The following EDC4 variants were observed in gnomAD, a reference collection of about 807,000 sequenced individuals.
EDC4 encodes enhancer of mRNA decapping 4.
Under a neutral mutation model 155.8 loss-of-function variants are expected in EDC4, and 64 were observed. The observed-to-expected ratio is 0.41, with a 90% CI of 0.34 to 0.51. The LOEUF (loss-of-function observed/expected upper bound fraction) is 0.51. Among genes scored for constraint, EDC4 ranks in the 20% least tolerant of loss-of-function variants. The pLI, the probability that EDC4 is intolerant of heterozygous loss-of-function variation, is 0.19. For synonymous variants in EDC4, 684 were observed against 716.8 expected (o/e 0.95, Z 0.73); for missense variants, 1,303 against 1,812.5 (o/e 0.72, Z 5.10).
rs2058062206 is a variant in EDC4 at position 67,880,484 on chromosome 16, A to C, written c.2098-73A>C. ...CTGTCTCTCATTACTGCTAATACTA[A>C]TGCCTCGTCTCTGTGCCCCCCATCT... is the stretch of plus-strand genomic sequence containing the variant. On this transcript the variant is annotated intron_variant, in intron 17 of 28. Transcript: ENST00000358933. The surrounding 1 kb of genome is among the most constrained non-coding windows in gnomAD (Gnocchi z 5.2). 26 of 1,553,142 alleles carry C rather than the reference A, an allele frequency of 1.7e-5. No homozygotes were observed. Among genetic ancestry groups the C allele is most frequent in the Non-Finnish European group, 2.3e-5 (26 of 1,141,718 alleles).
At position 67,879,712 on chromosome 16, in the gene EDC4, G is replaced by A; in HGVS notation, c.1759G>A (p.Glu587Lys). The A allele has an allele frequency of 6.2e-7, 1 of 1,614,166 alleles. No homozygotes were observed. Among genetic ancestry groups the A allele is most frequent in the Non-Finnish European group, 8.5e-7 (1 of 1,180,028 alleles). ...APADFLSLSS[E>K]TKPKLMTPDA... ...TGCCGACTTCCTCAGTCTGAGCAGT[G>A]AGACCAAGCCCAAGTTGATGACACC... is the stretch of plus-strand genomic sequence containing the variant. Residue 587 changes from glutamate to lysine, a missense_variant, in exon 15 of 29, where the codon GAG becomes AAG. By Grantham distance (56) the Glu-to-Lys change is moderately conservative. This residue lies in a region of EDC4 where 391 missense variants were observed against 445.4 expected (regional missense o/e 0.88). Coordinates refer to ENST00000358933, the MANE Select transcript of EDC4 (RefSeq NM_014329.5). This position sits in a 1 kb window ranked among gnomAD's most constrained non-coding sequence, Gnocchi z 6.0.
rs1598176154 is a variant in EDC4 at position 67,878,183 on chromosome 16, C to T, written c.912C>T (p.Ala304=). The part of the protein sequence containing the change: ...KGHSTCLSEG[A]LSPDGTVLAT... ...CTTTCTAGTGCCTCAGTGAAGGAGCCCTCTCTCCTGATGGGACTGTGCTGG... is the reference window on the plus strand; with the variant it reads ...CTTTCTAGTGCCTCAGTGAAGGAGCTCTCTCTCCTGATGGGACTGTGCTGG... Residue 304 remains alanine (A), a synonymous_variant, in exon 8 of 29, where the codon GCC becomes GCT. Transcript: ENST00000358933. This position sits in a 1 kb window ranked among gnomAD's most constrained non-coding sequence, Gnocchi z 5.2. 8 of 1,614,162 alleles carry T rather than the reference C, an allele frequency of 5.0e-6. No individual in the cohort carries two copies. Among genetic ancestry groups the T allele is most frequent in the Non-Finnish European group, 6.8e-6 (8 of 1,180,036 alleles).
At position 67,876,171 on chromosome 16, in the gene EDC4, TG is replaced by T; in HGVS notation, c.239+74del. The T allele has an allele frequency of 6.6e-7, 1 of 1,522,102 alleles. No individual in the cohort carries two copies. The highest frequency in any genetic ancestry group is 9.0e-7 in the Non-Finnish European group (1 of 1,105,644). The allele number at this position is 1,522,102 out of a possible 1,614,324, so 94.3% of individuals were successfully genotyped here. On this transcript the variant is annotated intron_variant, in intron 2 of 28. Transcript: ENST00000358933. The surrounding 1 kb of genome is among the most constrained non-coding windows in gnomAD (Gnocchi z 5.8). ...GTGTCTGCTAGCTGAAGGCATGAGA[TG>T]GGGAGTGAGCGGGGCCAGCAGCCTC... is the stretch of plus-strand genomic sequence containing the variant.
In EDC4 at chr16:67,883,677, C is replaced by T; in HGVS notation, c.3959C>T (p.Ser1320Phe). Residue 1320 changes from serine (S) to phenylalanine (F), a missense_variant, in exon 28 of 29, where the codon TCC becomes TTC. This residue lies in a region of EDC4 where 527 missense variants were observed against 757.0 expected (regional missense o/e 0.70). Coordinates refer to ENST00000358933, the MANE Select transcript of EDC4 (RefSeq NM_014329.5). The surrounding 1 kb of genome is among the most constrained non-coding windows in gnomAD (Gnocchi z 5.3). ...CCGCTCTCCCAGCCTGTGCTCCTTT[C>T]CCTCATCCAGCAGCTGGCATCTGAC... ...PCPLSQPVLL[S>F]LIQQLASDLG... 1.2e-6 allele frequency: 2 copies of T among 1,614,188 alleles called. No homozygotes were observed. Among genetic ancestry groups the T allele is most frequent in the Non-Finnish European group, 1.7e-6 (2 of 1,180,038 alleles).
Position 67,882,737 on chromosome 16 carries a change from G to C in EDC4, c.3501G>C (p.Arg1167Ser). The C allele has an allele frequency of 1.2e-6, 2 of 1,614,266 alleles. No individual in the cohort carries two copies. The highest frequency in any genetic ancestry group is 2.2e-5 in the South Asian group (2 of 91,090). ...GGAAGGCACGGGAACAGGAGGCCAG[G>C]GAGCCTGTGCTAGCCCAGCTGCGGG... ...KSRKAREQEAREPVLAQLRGL... is the reference protein window; with the variant it reads ...KSRKAREQEASEPVLAQLRGL... The change falls in exon 26 of 29, where the codon AGG becomes AGC. Residue 1167 changes from arginine (R) to serine (S), a missense_variant. Physicochemically the swap from Arg to Ser is moderately radical, Grantham distance 110. This residue lies in a region of EDC4 where 527 missense variants were observed against 757.0 expected (regional missense o/e 0.70). Coordinates refer to ENST00000358933, the MANE Select transcript of EDC4 (RefSeq NM_014329.5). This position sits in a 1 kb window ranked among gnomAD's most constrained non-coding sequence, Gnocchi z 7.2.
In EDC4 at chr16:67,884,387, G is replaced by C. The variant is rs2058084253; in HGVS notation, c.*239G>C. ...TCTGCCATGCCTGGAGCATGACCCT[G>C]AGATCGTGACACCACTTGAGTGGAA... On this transcript the variant is annotated 3_prime_UTR_variant, in exon 29 of 29. Transcript: ENST00000358933. The surrounding 1 kb of genome is among the most constrained non-coding windows in gnomAD (Gnocchi z 4.1). 9 of 555,654 alleles carry C rather than the reference G, an allele frequency of 1.6e-5. No individual in the cohort carries two copies. Among genetic ancestry groups the C allele is most frequent in the Non-Finnish European group, 2.8e-5 (9 of 316,772 alleles). 34.4% of individuals were successfully genotyped at this position (555,654 alleles called of 1,614,324 possible). A position where few individuals can be genotyped will look rare whatever the true frequency, so the allele number is the denominator to read the frequency against.
Position 67,882,119 on chromosome 16 carries a change from G to T in EDC4, c.3160+10G>T. 1 of 1,613,728 alleles carries T rather than the reference G, an allele frequency of 6.2e-7. No individual in the cohort carries two copies. The highest frequency in any genetic ancestry group is 8.5e-7 in the Non-Finnish European group (1 of 1,179,986). The stretch of plus-strand genomic sequence containing the variant: ...AAGACAGTCCCTCCATGTGAGTTTT[G>T]CATGCAGACTCCCTTTGGGTGGTTC... On this transcript the variant is annotated intron_variant, in intron 23 of 28. Coordinates refer to ENST00000358933, the MANE Select transcript of EDC4 (RefSeq NM_014329.5). This position sits in a 1 kb window ranked among gnomAD's most constrained non-coding sequence, Gnocchi z 7.2.
In EDC4 at chr16:67,882,917, A is replaced by G. The variant is rs1214498786; in HGVS notation, c.3630-41A>G. On this transcript the variant is annotated intron_variant, in intron 26 of 28. Transcript: ENST00000358933. The surrounding 1 kb of genome is among the most constrained non-coding windows in gnomAD (Gnocchi z 7.2). ...TGGTGGGCTTGAGAAAGGCCAGACT[A>G]GGCTCCCTGTCCACTTCACCTCACT... is the stretch of plus-strand genomic sequence containing the variant. The G allele has an allele frequency of 6.2e-7, 1 of 1,614,002 alleles. No individual in the cohort carries two copies. Among genetic ancestry groups the G allele is most frequent in the Non-Finnish European group, 8.5e-7 (1 of 1,179,892 alleles).
chr16:67,880,039 G>A lies in EDC4; in HGVS notation c.1944-24G>A. Reference sequence around the variant, plus strand: ...CAGATGATGCCAAGCTCTGGCTGCTGACACCTCAGCCTTCCCCCACCAGGC... The same window carrying A: ...CAGATGATGCCAAGCTCTGGCTGCTAACACCTCAGCCTTCCCCCACCAGGC... On this transcript the variant is annotated intron_variant, in intron 16 of 28. Transcript: ENST00000358933. The surrounding 1 kb of genome is among the most constrained non-coding windows in gnomAD (Gnocchi z 5.2). The A allele has an allele frequency of 6.3e-7, 1 of 1,589,596 alleles. No individual in the cohort carries two copies. Among genetic ancestry groups the A allele is most frequent in the Non-Finnish European group, 8.6e-7 (1 of 1,164,178 alleles).
rs140860932 is a variant in EDC4 at position 67,884,058 on chromosome 16, C to T, written c.4116C>T (p.Phe1372=). The T allele has an allele frequency of 7.4e-6, 12 of 1,614,038 alleles. No homozygotes were observed. The highest frequency in any genetic ancestry group is 1.0e-5 in the Non-Finnish European group (12 of 1,180,032). Residue 1372 remains phenylalanine, a synonymous_variant, in exon 29 of 29, where the codon TTC becomes TTT. Coordinates refer to ENST00000358933, the MANE Select transcript of EDC4 (RefSeq NM_014329.5). The surrounding 1 kb of genome is among the most constrained non-coding windows in gnomAD (Gnocchi z 4.1). ...AGGTGCGCCAAAAGCTTTTTCAGTT[C>T]CTGCAGGCTGAGCCACACAACTCAC... The part of the protein sequence containing the change: ...MAQVRQKLFQ[F]LQAEPHNSLG...
rs532740141 is a variant in EDC4 at position 67,882,909 on chromosome 16, G to T, written c.3629+44G>T. 2.5e-6 allele frequency: 4 copies of T among 1,614,046 alleles called. No individual in the cohort carries two copies. The highest frequency in any genetic ancestry group is 3.3e-5 in the Admixed American group (2 of 60,018). On this transcript the variant is annotated intron_variant, in intron 26 of 28. Coordinates refer to ENST00000358933, the MANE Select transcript of EDC4 (RefSeq NM_014329.5). The surrounding 1 kb of genome is among the most constrained non-coding windows in gnomAD (Gnocchi z 7.2). ...GGGCAAGGTGGTGGGCTTGAGAAAG[G>T]CCAGACTAGGCTCCCTGTCCACTTC...
rs1308004406 is a variant in EDC4, at chr16:67,877,915, C to G, written c.894+70C>G. On this transcript the variant is annotated intron_variant, in intron 7 of 28. Coordinates refer to ENST00000358933, the MANE Select transcript of EDC4 (RefSeq NM_014329.5). The surrounding 1 kb of genome is among the most constrained non-coding windows in gnomAD (Gnocchi z 4.9). ...ATATCCATCTTCTGTTCCCTATATC[C>G]ACAGCTGCCCGGGCAGCTTTACTAG... 5.0e-6 allele frequency: 8 copies of G among 1,587,328 alleles called. No individual in the cohort carries two copies. The highest frequency in any genetic ancestry group is 5.1e-6 in the Non-Finnish European group (6 of 1,165,430).
In EDC4 at chr16:67,883,062, C is replaced by T; in HGVS notation, c.3734C>T (p.Ala1245Val). ...GCCGTCACCTCCAGCATCATGCAGG[C>T]CATGCGCTCAGCTGCTGGCACACCT... ...QAAVTSSIMQ[A>V]MRSAAGTPVP... The change falls in exon 27 of 29, where the codon GCC becomes GTC. Residue 1245 changes from alanine to valine, a missense_variant. Coordinates refer to ENST00000358933, the MANE Select transcript of EDC4 (RefSeq NM_014329.5). The surrounding 1 kb of genome is among the most constrained non-coding windows in gnomAD (Gnocchi z 5.3). 6.2e-7 allele frequency: 1 copy of T among 1,613,512 alleles called. No homozygotes were observed.
In EDC4 at chr16:67,883,313, C is replaced by T. The variant is rs1408766683; in HGVS notation, c.3849+136C>T. The T allele has an allele frequency of 2.2e-6, 3 of 1,390,624 alleles. No individual in the cohort carries two copies. The highest frequency in any genetic ancestry group is 2.9e-6 in the Non-Finnish European group (3 of 1,046,772). The allele number at this position is 1,390,624 out of a possible 1,614,324, so 86.1% of individuals were successfully genotyped here. Reference sequence around the variant, plus strand: ...TTCTTGGTTCCCTTTGGCCTCCAGGCCATTGTCCCTGCTGCTTCCTCTTCC... The same window carrying T: ...TTCTTGGTTCCCTTTGGCCTCCAGGTCATTGTCCCTGCTGCTTCCTCTTCC... On this transcript the variant is annotated intron_variant, in intron 27 of 28. Coordinates refer to ENST00000358933, the MANE Select transcript of EDC4 (RefSeq NM_014329.5). The surrounding 1 kb of genome is among the most constrained non-coding windows in gnomAD (Gnocchi z 5.3).
At position 67,879,582 on chromosome 16, in the gene EDC4, T is replaced by G; in HGVS notation, c.1634-5T>G. The G allele has an allele frequency of 6.2e-7, 1 of 1,613,844 alleles. No homozygotes were observed. Among genetic ancestry groups the G allele is most frequent in the Non-Finnish European group, 8.5e-7 (1 of 1,179,786 alleles). On this transcript the variant is annotated splice_region_variant and splice_polypyrimidine_tract_variant and intron_variant, in intron 14 of 28. Coordinates refer to ENST00000358933, the MANE Select transcript of EDC4 (RefSeq NM_014329.5). This position sits in a 1 kb window ranked among gnomAD's most constrained non-coding sequence, Gnocchi z 6.0. ...ATCTAACTCAAGTGGCAACTTGCCC[T>G]GCAGCATTTGGAGAGTCTCGGCCCG... is the stretch of plus-strand genomic sequence containing the variant.
intron 1 of EDC4, 84 bp downstream of exon 1, chr16:67,873,427 C>T (rs988860087): frequency 1.6e-5 from 17 of 1,092,490 alleles, no homozygotes; most frequent in African/African-American, 6.7e-5. Flanking sequence ...GCCCACAGCT[C>T]CCTTAGGACT....
In EDC4 at chr16:67,882,884, G is replaced by A; in HGVS notation, c.3629+19G>A. The A allele has an allele frequency of 6.2e-7, 1 of 1,614,088 alleles. No homozygotes were observed. Among genetic ancestry groups the A allele is most frequent in the Non-Finnish European group, 8.5e-7 (1 of 1,179,990 alleles). On this transcript the variant is annotated intron_variant, in intron 26 of 28. Coordinates refer to ENST00000358933, the MANE Select transcript of EDC4 (RefSeq NM_014329.5). This position sits in a 1 kb window ranked among gnomAD's most constrained non-coding sequence, Gnocchi z 7.2. Reference sequence around the variant, plus strand: ...TGGGCAGGTGTGTGGGCAGAGTACTGGGCAAGGTGGTGGGCTTGAGAAAGG... The same window carrying A: ...TGGGCAGGTGTGTGGGCAGAGTACTAGGCAAGGTGGTGGGCTTGAGAAAGG...
Position 67,878,397 on chromosome 16 carries a change from C to G in EDC4, c.1042C>G (p.Leu348Val). 1 of 1,614,186 alleles carries G rather than the reference C, an allele frequency of 6.2e-7. No individual in the cohort carries two copies. Among genetic ancestry groups the G allele is most frequent in the Non-Finnish European group, 8.5e-7 (1 of 1,180,032 alleles). The change falls in exon 9 of 29, where the codon CTC (leucine) becomes GTC (valine). Residue 348 changes from leucine (L) to valine (V), a missense_variant. Physicochemically the swap from Leu to Val is conservative, Grantham distance 32. Coordinates refer to ENST00000358933, the MANE Select transcript of EDC4 (RefSeq NM_014329.5). This position sits in a 1 kb window ranked among gnomAD's most constrained non-coding sequence, Gnocchi z 5.2. ...GTGGAAACCTCATGATGGGCGGCCC[C>G]TCTCCTGCCTCCTGTTCTGTGACAA... ...HEWKPHDGRP[L>V]SCLLFCDNHK...
chr16:67,880,209 C>A lies in EDC4; in HGVS notation c.2090C>A (p.Pro697Gln). Residue 697 changes from proline to glutamine, a missense_variant, in exon 17 of 29, where the codon CCG becomes CAG. Pro to Gln is a moderately conservative substitution (Grantham distance 76). Coordinates refer to ENST00000358933, the MANE Select transcript of EDC4 (RefSeq NM_014329.5). This position sits in a 1 kb window ranked among gnomAD's most constrained non-coding sequence, Gnocchi z 5.2. The part of the protein sequence containing the change: ...APADKLTPKG[P>Q]GQVPTATSAL... ...GCTGACAAACTGACTCCCAAGGGGC[C>A]GGGCCAGGTGTGTGACTGGGTGTGT... 6.2e-7 allele frequency: 1 copy of A among 1,605,196 alleles called. No individual in the cohort carries two copies.
Sources: gnomAD v4.1 joint callset for allele counts on GRCh38, gnomAD v4.1.1 for gene constraint, gnomAD v4.1.1 regional missense constraint, Gnocchi (gnomAD v3.1) non-coding constraint, MANE v1.5 for transcripts, NCBI Gene and HGNC (gene_info 2026-07-23, HGNC 2026-07-21) for gene names.